The following KDM3A variants were observed in gnomAD, a reference collection of about 807,000 sequenced individuals.
The protein encoded by KDM3A is lysine demethylase 3A.
Under a neutral mutation model 158.0 loss-of-function variants are expected in KDM3A, and 60 were observed. The ratio of observed to expected loss-of-function variants is 0.38; its 90% confidence interval spans 0.31 to 0.47. The LOEUF (loss-of-function observed/expected upper bound fraction) is 0.47, where lower values mean the gene tolerates loss of function less well. Ranked by LOEUF, KDM3A falls within the 20% of genes least tolerant of loss-of-function variation. The pLI, the probability that KDM3A is intolerant of heterozygous loss-of-function variation, is 0.99. For synonymous variants in KDM3A, 608 were observed against 549.3 expected, an observed-to-expected ratio of 1.11 and a Z score of -1.49; for missense variants, 1,319 against 1,574.3, an observed-to-expected ratio of 0.84 and a Z score of 2.74.
intron 10 of KDM3A, among the ~76,000 whole-genome samples, chr2:86,468,775 CAGAT>C (rs1175510957): frequency 1.3e-5 from 2 of 152,064 alleles, no homozygotes; most frequent in Non-Finnish European, 2.9e-5. Context: ...TTTTTCCGTT[CAGAT>C]AGATACGTGG....
At chr2:86,443,787 T>G (rs1682842229) in intron 2 of KDM3A, among the ~76,000 whole-genome samples, 1 of 152,146 alleles carries the variant, frequency 6.6e-6, no homozygotes, top group Non-Finnish European at 1.5e-5. Context: ...CAAATCAGGT[T>G]TTGATGTTTA....
At chr2:86,482,320 G>T (rs1024269568) in intron 17 of KDM3A, 138 bp from the exon 18 acceptor site, 3 of 1,390,310 alleles carry the variant, frequency 2.2e-6, no homozygotes, top group Non-Finnish European at 2.9e-6. Context: ...GTCAAGTGGG[G>T]ACAGGGGACG....
intron 11 of KDM3A, among the ~76,000 whole-genome samples, chr2:86,473,565 C>CA (rs746129027): frequency 4.6e-5 from 7 of 152,106 alleles, no homozygotes; most frequent in Non-Finnish European, 7.4e-5. Context: ...GGCAACAGGG[C>CA]AAAACCCTGT....
intron 8 of KDM3A, among the ~76,000 whole-genome samples, chr2:86,457,709 T>A (rs932966140): frequency 6.6e-6 from 1 of 152,146 alleles, no homozygotes; most frequent in Non-Finnish European, 1.5e-5. Flanking sequence ...TTCTGAGTAG[T>A]TTGGGTGTTG....
At position 86,485,554 on chromosome 2, in the gene KDM3A, G is replaced by C. The variant is rs530816087; in HGVS notation, c.3183-175G>C. 2.0e-5 allele frequency among the ~76,000 whole-genome samples: 3 copies of C among 152,332 alleles called. No homozygotes were observed. The East Asian group carries it at 5.8e-4, about 29-fold the overall frequency. Reference sequence around the variant, plus strand: ...TGACACATTGGTGTGTTGTAGGAGAGAGAGAAGACATCTTTGTAACTGCTG... The same window carrying C: ...TGACACATTGGTGTGTTGTAGGAGACAGAGAAGACATCTTTGTAACTGCTG... On this transcript the variant is annotated intron_variant, in intron 20 of 25. Coordinates refer to ENST00000312912, the MANE Select transcript of KDM3A (RefSeq NM_018433.6).
At chr2:86,460,690 GGAAA>G (rs1672888830) in intron 8 of KDM3A, 1 of 152,162 alleles carries the variant, frequency 6.6e-6, no homozygotes. Flanking sequence ...TGGTTAGTTG[GGAAA>G]GAGTCTGCTG....
intron 8 of KDM3A, among the ~76,000 whole-genome samples, chr2:86,457,473 T>C (rs1018122657): frequency 1.3e-5 from 2 of 152,216 alleles, no homozygotes; most frequent in African/African-American, 2.4e-5. Flanking sequence ...TATTGCTGTC[T>C]GCTCTTCTTT....
At chr2:86,466,339 C>T in intron 9 of KDM3A, 33 bp from the exon 10 acceptor site, 1 of 1,567,906 alleles carries the variant, frequency 6.4e-7, no homozygotes, top group African/African-American at 1.4e-5. Flanking sequence ...AAAAAGAGGC[C>T]TGGATGCTAG....
intron 17 of KDM3A, among the ~76,000 whole-genome samples, 163 bp from the exon 18 acceptor site, chr2:86,482,295 T>G (rs1261543167): frequency 6.6e-6 from 1 of 152,174 alleles, no homozygotes; most frequent in East Asian, 1.9e-4. Context: ...TCCTGTTACC[T>G]CACTTCTATG....
chr2:86,437,993 A>G (rs907753290), upstream of KDM3A, among the ~76,000 whole-genome samples: 3 of 152,130 alleles, frequency 2.0e-5, no homozygotes, highest in African/African-American at 7.2e-5. Context: ...TACATTAGCA[A>G]TTAACCTCTA....
intron 12 of KDM3A, among the ~76,000 whole-genome samples, chr2:86,477,161 A>T (rs1403310326): frequency 1.3e-5 from 2 of 152,242 alleles, no homozygotes; most frequent in African/African-American, 2.4e-5. Flanking sequence ...ACTGGAACAG[A>T]AAATGCTGCT....
At chr2:86,462,309 G>C (rs1308428745) in intron 8 of KDM3A, among the ~76,000 whole-genome samples, 3 of 151,960 alleles carry the variant, frequency 2.0e-5, no homozygotes, top group Non-Finnish European at 4.4e-5. Flanking sequence ...GTGAGGAAAG[G>C]TATTAGTGCA....
chr2:86,459,057 G>A (rs186170424), intron 8 of KDM3A, among the ~76,000 whole-genome samples: 1 of 152,302 alleles, frequency 6.6e-6, no homozygotes, highest in Admixed American at 6.5e-5. Flanking sequence ...AGCTAATGAA[G>A]TAGGTAGAAC....
rs370041213 is a variant in KDM3A, at chr2:86,449,940, G to T, written c.320G>T (p.Arg107Leu). Residue 107 changes from arginine to leucine, a missense_variant, in exon 3 of 26, where the codon CGA becomes CTA. Arg to Leu is a moderately radical substitution (Grantham distance 102). Coordinates refer to ENST00000312912, the MANE Select transcript of KDM3A (RefSeq NM_018433.6). ...AERKSPEISE[R>L]IVQWPAITYK... ...CGAAAGTCACCTGAAATTTCTGAAC[G>T]AATTGTACAGTGGCCTGCAATAGTG... 6.2e-7 allele frequency: 1 copy of T among 1,613,362 alleles called. No homozygotes were observed. The highest frequency in any genetic ancestry group is 1.3e-5 in the African/African-American group (1 of 74,992).
intron 11 of KDM3A, among the ~76,000 whole-genome samples, chr2:86,471,422 A>G (rs751637466): frequency 3.2e-4 from 48 of 151,946 alleles, no homozygotes; most frequent in Admixed American, 1.7e-3. Context: ...TTTTCTTTAA[A>G]TTCTTCTATC....
chr2:86,469,452 G>A (rs1673304697), intron 10 of KDM3A, among the ~76,000 whole-genome samples: 2 of 152,132 alleles, frequency 1.3e-5, no homozygotes, highest in African/African-American at 4.8e-5. Context: ...TCCTTACTTT[G>A]TTATTTTCTC....
Position 86,464,166 on chromosome 2 carries a change from TC to T in KDM3A, c.961del (p.Gln321ArgfsTer30). Reference sequence around the variant, plus strand: ...GTAAGGACCCAAGACAGCAAAGTACTCCCCAGGCTGCCAACTCTCCACCTAA... The same window carrying T: ...GTAAGGACCCAAGACAGCAAAGTACTCCCAGGCTGCCAACTCTCCACCTAA... Reference protein sequence around the residue: ...PSKDPRQQSTPQAANSPPNLG... With the variant: ...PSKDPRQQSTXQAANSPPNLG... On this transcript the variant is annotated frameshift_variant, in exon 9 of 26. Coordinates refer to ENST00000312912, the MANE Select transcript of KDM3A (RefSeq NM_018433.6). LOFTEE classifies it high-confidence loss of function. 1 of 1,611,548 alleles carries T rather than the reference TC, an allele frequency of 6.2e-7. No homozygotes were observed. The highest frequency in any genetic ancestry group is 8.5e-7 in the Non-Finnish European group (1 of 1,178,422).
At chr2:86,468,698 T>G (rs943041004) in intron 10 of KDM3A, among the ~76,000 whole-genome samples, 1 of 152,124 alleles carries the variant, frequency 6.6e-6, no homozygotes, top group African/African-American at 2.4e-5. Context: ...CTTGGAAAAC[T>G]TTTCTGCTCC....
In KDM3A at chr2:86,466,419, C is replaced by T; in HGVS notation, c.1055C>T (p.Thr352Ile). The T allele has an allele frequency of 6.2e-7, 1 of 1,613,410 alleles. No individual in the cohort carries two copies. Among genetic ancestry groups the T allele is most frequent in the Non-Finnish European group, 8.5e-7 (1 of 1,179,618 alleles). ...LPEEISSCLN[T>I]KSEALRTKPD... ...GAGGAAATTTCTTCCTGTCTAAATACAAAGTCTGAAGCTCTGAGAACAAAA... is the reference window on the plus strand; with the variant it reads ...GAGGAAATTTCTTCCTGTCTAAATATAAAGTCTGAAGCTCTGAGAACAAAA... Residue 352 changes from threonine to isoleucine, a missense_variant, in exon 10 of 26, where the codon ACA (threonine) becomes ATA (isoleucine). Physicochemically the swap from Thr to Ile is moderately conservative, Grantham distance 89. Transcript: ENST00000312912.
Sources: allele counts gnomAD v4.1 joint callset (sites outside exome capture counted in the v4.1 genomes callset), GRCh38; gene constraint gnomAD v4.1.1; transcripts MANE v1.5; gene names NCBI Gene and HGNC (gene_info 2026-07-23, HGNC 2026-07-21).